Variants in ZHX1 observed in about 807,000 individuals in gnomAD.
ZHX1 encodes the protein zinc fingers and homeoboxes protein 1.
In ZHX1, 20 loss-of-function variants were observed where a neutral mutation model predicts 61.8. That is an observed-to-expected ratio of 0.32 (90% CI 0.23 to 0.47). ZHX1 has a LOEUF of 0.47. Among genes scored for constraint, ZHX1 ranks in the 20% least tolerant of loss-of-function variants. ZHX1 has a pLI of 1.00. For synonymous variants in ZHX1, 318 were observed against 352.6 expected (o/e 0.90, Z 1.10); for missense variants, 800 against 1,034.8 (o/e 0.77, Z 3.11).
intron 1 of ZHX1, among the ~76,000 whole-genome samples, chr8:123,270,742 T>C (rs1014226038): frequency 2.0e-5 from 3 of 146,610 alleles, no homozygotes; most frequent in African/African-American, 5.1e-5. Flanking sequence ...GCCATGATCA[T>C]GCCACTGCAC....
chr8:123,257,584 C>A (rs532299188), intron 2 of ZHX1, among the ~76,000 whole-genome samples: 1 of 152,268 alleles, frequency 6.6e-6, no homozygotes, highest in South Asian at 2.1e-4. Flanking sequence ...TTTCCACATA[C>A]CGCGGTGCGA....
intron 1 of ZHX1, among the ~76,000 whole-genome samples, chr8:123,268,695 T>C (rs1353461000): frequency 1.3e-5 from 2 of 152,212 alleles, no homozygotes; most frequent in Non-Finnish European, 2.9e-5. Flanking sequence ...TTTCACCATG[T>C]TGGCCAGGAT....
chr8:123,265,779 T>C (rs924398194), intron 2 of ZHX1, among the ~76,000 whole-genome samples: 18 of 152,182 alleles, frequency 1.2e-4, no homozygotes, highest in African/African-American at 3.9e-4. Flanking sequence ...AGTATTAAAG[T>C]GAATATACAA....
chr8:123,255,377 T>A lies in ZHX1; in HGVS notation c.570A>T (p.Lys190Asn). 6.2e-7 allele frequency: 1 copy of A among 1,613,786 alleles called. No homozygotes were observed. Among genetic ancestry groups the A allele is most frequent in the South Asian group, 1.1e-5 (1 of 91,034 alleles). Reference protein sequence around the residue: ...KTPIMKMMKNKVENKRIAVHH... With the variant: ...KTPIMKMMKNNVENKRIAVHH... ...GAACTGCAATCCGTTTATTTTCCAC[T>A]TTATTTTTCATCATTTTCATGATAG... The change falls in exon 3 of 4, where the codon AAA (lysine) becomes AAT (asparagine). Residue 190 changes from lysine (K) to asparagine (N), a missense_variant. Lys to Asn is a moderately conservative substitution (Grantham distance 94). Transcript: ENST00000395571.
chr8:123,265,535 AT>A (rs1344970648), intron 2 of ZHX1, among the ~76,000 whole-genome samples: 2 of 152,370 alleles, frequency 1.3e-5, no homozygotes, highest in South Asian at 2.1e-4. Flanking sequence ...GTTAAAAAAA[AT>A]AAAGGTGATT....
Position 123,255,819 on chromosome 8 carries a change from G to A in ZHX1, c.128C>T (p.Ala43Val). The A allele has an allele frequency of 6.2e-7, 1 of 1,614,108 alleles. No homozygotes were observed. The highest frequency in any genetic ancestry group is 8.5e-7 in the Non-Finnish European group (1 of 1,180,020). The change falls in exon 3 of 4, where the codon GCA becomes GTA. Residue 43 changes from alanine to valine, a missense_variant. Transcript: ENST00000395571. ...PVLTPVENTR[A>V]ESISSDEEVH... ...CTCTTCATCACTTGAGATACTCTCT[G>A]CTCTGGTGTTTTCTACAGGTGTAAG...
chr8:123,259,364 T>C (rs1257468531), intron 2 of ZHX1, among the ~76,000 whole-genome samples: 1 of 152,208 alleles, frequency 6.6e-6, no homozygotes, highest in Non-Finnish European at 1.5e-5. Context: ...CAATGTTATC[T>C]TTTAATCAAA....
At chr8:123,253,242 T>A (rs1825967034) in intron 3 of ZHX1, 80 bp downstream of exon 3, 1 of 1,203,528 alleles carries the variant, frequency 8.3e-7, no homozygotes, top group Non-Finnish European at 1.2e-6. Flanking sequence ...AAAATGAAGA[T>A]GACTGATACA....
At position 123,249,922 on chromosome 8, in the gene ZHX1, C is replaced by T. The variant is rs1349083040; in HGVS notation, c.*402G>A. 1 of 144,938 alleles carries T rather than the reference C, an allele frequency of 6.9e-6. No individual in the cohort carries two copies. Among genetic ancestry groups the T allele is most frequent in the Non-Finnish European group, 1.5e-5 (1 of 66,790 alleles). 9.0% of individuals were successfully genotyped at this position (144,938 alleles called of 1,614,324 possible). Reference sequence around the variant, plus strand: ...CAAAGTTCTAAGCTTAATCACATCTCAAAGAATAGAGGCAATATATAGCCC... The same window carrying T: ...CAAAGTTCTAAGCTTAATCACATCTTAAAGAATAGAGGCAATATATAGCCC... On this transcript the variant is annotated 3_prime_UTR_variant, in exon 4 of 4. Transcript: ENST00000395571.
At chr8:123,261,127 A>G (rs1826243396) in intron 2 of ZHX1, among the ~76,000 whole-genome samples, 1 of 152,252 alleles carries the variant, frequency 6.6e-6, no homozygotes, top group Non-Finnish European at 1.5e-5. Flanking sequence ...AAAGAGACTG[A>G]GAAGTCCCAA....
At position 123,269,912 on chromosome 8, in the gene ZHX1, T is replaced by C. The variant is rs183075357; in HGVS notation, c.-339-2526A>G. ...TGCCATTTCATACCTCTGAGCATAT[T>C]AAATCATGCTGGAACAAGTTGGCTT... On this transcript the variant is annotated intron_variant, in intron 1 of 3. Coordinates refer to ENST00000395571, the MANE Select transcript of ZHX1 (RefSeq NM_007222.5). Among the ~76,000 whole-genome samples, 194 of 152,352 alleles carry C rather than the reference T, an allele frequency of 1.3e-3. 3 individuals carry two copies. The highest frequency in any genetic ancestry group is 2.9e-4 in the Non-Finnish European group (20 of 68,026).
chr8:123,260,546 C>T (rs59211559), intron 2 of ZHX1, among the ~76,000 whole-genome samples: 8,684 of 150,630 alleles, frequency 0.058, 799 homozygotes, highest in African/African-American at 0.2. Context: ...TGCAGTGAGC[C>T]GAGATCAAAC....
intron 2 of ZHX1, among the ~76,000 whole-genome samples, chr8:123,263,668 C>G (rs1826359587): frequency 6.6e-6 from 1 of 151,990 alleles, no homozygotes; most frequent in Admixed American, 6.6e-5. Flanking sequence ...CCTGCCTCTA[C>G]TAAAAAAATA....
chr8:123,266,943 C>T (rs749884248), intron 2 of ZHX1, among the ~76,000 whole-genome samples: 7 of 152,136 alleles, frequency 4.6e-5, no homozygotes, highest in Non-Finnish European at 8.8e-5. Flanking sequence ...TTTCCCCATA[C>T]CAAAGGTACA....
At position 123,254,604 on chromosome 8, in the gene ZHX1, G is replaced by C. The variant is rs1185066303; in HGVS notation, c.1343C>G (p.Pro448Arg). The C allele has an allele frequency of 1.2e-6, 2 of 1,614,070 alleles. No individual in the cohort carries two copies. Among genetic ancestry groups the C allele is most frequent in the Non-Finnish European group, 1.7e-6 (2 of 1,180,032 alleles). The change falls in exon 3 of 4, where the codon CCA becomes CGA. Residue 448 changes from proline (P) to arginine (R), a missense_variant. Transcript: ENST00000395571. The surrounding 1 kb of genome is among the most constrained non-coding windows in gnomAD (Gnocchi z 4.1). ...AETKPATAAV[P>R]TSQSVKHETA... Reference sequence around the variant, plus strand: ...TTCATGTTTGACACTTTGAGAAGTTGGAACTGCTGCTGTTGCTGGCTTTGT... The same window carrying C: ...TTCATGTTTGACACTTTGAGAAGTTCGAACTGCTGCTGTTGCTGGCTTTGT...
Position 123,268,394 on chromosome 8 carries a change from A to G in ZHX1, c.-339-1008T>C, listed in dbSNP as rs969265305. 2.0e-5 allele frequency among the ~76,000 whole-genome samples: 3 copies of G among 152,252 alleles called. No individual in the cohort carries two copies. The South Asian group carries it at 6.2e-4, about 32-fold the overall frequency. On this transcript the variant is annotated intron_variant, in intron 1 of 3. Transcript: ENST00000395571. ...CCAAATATGTTGTTGTATATAATCT[A>G]GATCAGTTAAACCCATCAGAAAAGT... is the stretch of plus-strand genomic sequence containing the variant.
chr8:123,264,285 C>A (rs541538087), intron 2 of ZHX1, among the ~76,000 whole-genome samples: 14 of 152,140 alleles, frequency 9.2e-5, no homozygotes, highest in Non-Finnish European at 1.9e-4. Flanking sequence ...TATACTTTAA[C>A]AGTGTTCTAC....
intron 2 of ZHX1, among the ~76,000 whole-genome samples, chr8:123,264,755 TTC>T (rs1826396402): frequency 6.9e-6 from 1 of 144,032 alleles, no homozygotes; most frequent in Non-Finnish European, 1.5e-5. Flanking sequence ...GAGACGGGGT[TTC>T]ACCATCTTGT....
upstream of ZHX1, chr8:123,275,536 T>G (rs1176856059): frequency 9.0e-6 from 1 of 110,606 alleles, no homozygotes; most frequent in East Asian, 2.0e-4. Flanking sequence ...GGAAGTCTGA[T>G]TTTTTTTTTT....
Sources: allele counts gnomAD v4.1 joint callset (sites outside exome capture counted in the v4.1 genomes callset), GRCh38; gene constraint gnomAD v4.1.1; non-coding constraint Gnocchi (gnomAD v3.1); transcripts MANE v1.5; gene names NCBI Gene and HGNC (gene_info 2026-07-23, HGNC 2026-07-21).